The following WNK1 variants were observed in gnomAD, a reference collection of about 807,000 sequenced individuals.
The protein encoded by WNK1 is WNK lysine deficient protein kinase 1.
In WNK1, 38 loss-of-function variants were observed where a neutral mutation model predicts 222.8. That is an observed-to-expected ratio of 0.17 (90% CI 0.13 to 0.22). The LOEUF is 0.22. Among genes scored for constraint, WNK1 ranks in the 10% least tolerant of loss-of-function variants. WNK1 has a pLI of 1.00. For missense variants in WNK1, 2,348 were observed against 2,918.4 expected (o/e 0.80, Z 4.50); for synonymous variants, 1,090 against 1,092.9 (o/e 1.00, Z 0.05).
In WNK1 at chr12:754,011, C is replaced by T. The variant is rs34880640; in HGVS notation, c.446C>T (p.Ala149Val). 1.4e-3 allele frequency: 2,249 copies of T among 1,586,632 alleles called. 30 individuals carry two copies. The East Asian group carries it at 0.034, about 24-fold the overall frequency. ...GCCGCCCCTGGGGAACAGGCCGTCG[C>T]GGGCCCTGCCCCCTCGACTGTCCCC... ...AAAAPGEQAV[A>V]GPAPSTVPSS... Residue 149 changes from alanine (A) to valine (V), a missense_variant, in exon 1 of 28, where the codon GCG (alanine) becomes GTG (valine). Around this residue, in one of 13 missense-constraint regions of WNK1, gnomAD observed 185 missense variants for 159.2 expected, o/e 1.16. Transcript: ENST00000315939.
intron 1 of WNK1, among the ~76,000 whole-genome samples, chr12:765,535 T>C (rs926842122): frequency 1.3e-5 from 2 of 149,136 alleles, no homozygotes; most frequent in African/African-American, 4.8e-5. Context: ...GTGACAGAGC[T>C]ATGACCCTGT....
rs72652204 is a variant in WNK1 at position 907,752 on chromosome 12, T to C, written c.6644-95T>C. ...TTCCCAGTTCATCCTCTTCTCATTC[T>C]GTGGCTTGCCATTCATCATCCCGTG... On this transcript the variant is annotated intron_variant, in intron 26 of 27. Transcript: ENST00000315939. 3.2e-4 allele frequency: 451 copies of C among 1,405,766 alleles called. 1 individual carries two copies. The highest frequency in any genetic ancestry group is 4.4e-4 in the Non-Finnish European group (435 of 993,572). 87.1% of individuals were successfully genotyped at this position (1,405,766 alleles called of 1,614,324 possible).
chr12:893,329 T>C (rs1402098816), intron 22 of WNK1, among the ~76,000 whole-genome samples: 1 of 152,120 alleles, frequency 6.6e-6, no homozygotes, highest in Non-Finnish European at 1.5e-5. Context: ...ATGAAATATA[T>C]ATATGGTATA....
At chr12:875,849 C>T (rs1425481957) in intron 9 of WNK1, among the ~76,000 whole-genome samples, 1 of 152,120 alleles carries the variant, frequency 6.6e-6, no homozygotes, top group Non-Finnish European at 1.5e-5. Context: ...ATTTAATATG[C>T]AATCTTATTT....
chr12:813,595 G>A, intron 1 of WNK1, 47 bp from the exon 2 acceptor site: 1 of 1,589,288 alleles, frequency 6.3e-7, no homozygotes, highest in Non-Finnish European at 8.6e-7. Context: ...GTCTGATTTG[G>A]TGTTTTATCA....
chr12:884,261 C>T lies in WNK1; in HGVS notation c.3844+18C>T. ...AGATACAGGTAAGGGATTGATTCTG[C>T]CACATTGTTATGTAAATTCTACAGT... On this transcript the variant is annotated intron_variant, in intron 18 of 27. Transcript: ENST00000315939. This position sits in a 1 kb window ranked among gnomAD's most constrained non-coding sequence, Gnocchi z 5.6. 1.2e-6 allele frequency: 2 copies of T among 1,613,662 alleles called. No homozygotes were observed. The highest frequency in any genetic ancestry group is 1.7e-6 in the Non-Finnish European group (2 of 1,179,802).
At chr12:759,454 C>G (rs1940696832) in intron 1 of WNK1, among the ~76,000 whole-genome samples, 1 of 147,188 alleles carries the variant, frequency 6.8e-6, no homozygotes, top group Non-Finnish European at 1.5e-5. Flanking sequence ...CCTCAGCCCC[C>G]TGAGTAGCTG....
intron 2 of WNK1, among the ~76,000 whole-genome samples, chr12:826,639 A>G (rs1231544461): frequency 6.6e-6 from 1 of 152,198 alleles, no homozygotes; most frequent in Non-Finnish European, 1.5e-5. Flanking sequence ...CTACCTCTTA[A>G]TCATTTAAAT....
At chr12:898,223 G>A (rs1046450602) in intron 25 of WNK1, among the ~76,000 whole-genome samples, 1 of 152,078 alleles carries the variant, frequency 6.6e-6, no homozygotes, top group Non-Finnish European at 1.5e-5. Flanking sequence ...GGTGGCTCAC[G>A]CCTGTAATCC....
chr12:861,869 GT>G (rs1951244878), intron 7 of WNK1, among the ~76,000 whole-genome samples: 1 of 152,138 alleles, frequency 6.6e-6, no homozygotes, highest in Admixed American at 6.5e-5. Context: ...TACTCCTCAG[GT>G]GGTAAGATTC....
chr12:906,105 T>C (rs904341844), intron 26 of WNK1, among the ~76,000 whole-genome samples: 1 of 152,140 alleles, frequency 6.6e-6, no homozygotes, highest in Non-Finnish European at 1.5e-5. Context: ...CTGGTGCTGC[T>C]TTGACCTTGA....
chr12:809,817 A>T (rs1027338409), intron 1 of WNK1, among the ~76,000 whole-genome samples: 4 of 152,192 alleles, frequency 2.6e-5, no homozygotes, highest in African/African-American at 7.2e-5. Context: ...ATAATTCTTT[A>T]AAAAATTGTT....
chr12:788,432 C>T (rs2153977414), intron 1 of WNK1, among the ~76,000 whole-genome samples: 1 of 152,254 alleles, frequency 6.6e-6, no homozygotes, highest in East Asian at 1.9e-4. Flanking sequence ...AACTTATGCA[C>T]TAATGGACCA....
chr12:873,501 T>C (rs17800846), intron 9 of WNK1, among the ~76,000 whole-genome samples: 16,608 of 152,190 alleles, frequency 0.11, 1,004 homozygotes, highest in South Asian at 0.17. Context: ...GCCCTCGATA[T>C]ATATAGGAAG....
chr12:883,526 G>A lies in WNK1; in HGVS notation c.3621G>A (p.Glu1207=), dbSNP rs1484042313. 1.2e-6 allele frequency: 2 copies of A among 1,614,204 alleles called. No homozygotes were observed. Among genetic ancestry groups the A allele is most frequent in the Admixed American group, 1.7e-5 (1 of 60,028 alleles). Residue 1207 remains glutamate, a synonymous_variant, in exon 16 of 28, where the codon GAG becomes GAA. Coordinates refer to ENST00000315939, the MANE Select transcript of WNK1 (RefSeq NM_018979.4). ...SVEPEGDQGL[E]SLQGKDDYGF... ...AACCAGAGGGTGATCAGGGATTGGA[G>A]AGTCTACAAGGAAAGGATGACTATG... is the stretch of plus-strand genomic sequence containing the variant.
chr12:791,056 C>T (rs1429243277), intron 1 of WNK1, among the ~76,000 whole-genome samples: 1 of 151,990 alleles, frequency 6.6e-6, no homozygotes, highest in African/African-American at 2.4e-5. Flanking sequence ...ATCTTCTAAA[C>T]CCAAGACAGC....
At chr12:815,888 A>G (rs1293486377) in intron 2 of WNK1, among the ~76,000 whole-genome samples, 1 of 152,258 alleles carries the variant, frequency 6.6e-6, no homozygotes, top group African/African-American at 2.4e-5. Flanking sequence ...GTGGAATATA[A>G]TAAAAGTTTT....
In WNK1 at chr12:884,208, A is replaced by T; in HGVS notation, c.3809A>T (p.Glu1270Val). Residue 1270 changes from glutamate to valine, a missense_variant, in exon 18 of 28, where the codon GAA (glutamate) becomes GTA (valine). Physicochemically the swap from Glu to Val is moderately radical, Grantham distance 121. Around this residue, in one of 13 missense-constraint regions of WNK1, gnomAD observed 1,144 missense variants for 1,273.6 expected, o/e 0.90. Coordinates refer to ENST00000315939, the MANE Select transcript of WNK1 (RefSeq NM_018979.4). The surrounding 1 kb of genome is among the most constrained non-coding windows in gnomAD (Gnocchi z 5.6). ...CCTGTGCCAGAAAGCCGATTACGAG[A>T]ATCAAAAGTTTTCCCCAGTGAAATA... ...VSPVPESRLR[E>V]SKVFPSEITD... is the part of the protein sequence containing the mutation. The T allele has an allele frequency of 6.2e-7, 1 of 1,614,200 alleles. No homozygotes were observed. The highest frequency in any genetic ancestry group is 1.7e-5 in the Admixed American group (1 of 60,026).
At chr12:866,501 T>C (rs1951681741) in intron 8 of WNK1, among the ~76,000 whole-genome samples, 1 of 152,110 alleles carries the variant, frequency 6.6e-6, no homozygotes. Context: ...TAGCTAGGAC[T>C]ACAGGCGCAT....
Sources: allele counts gnomAD v4.1 joint callset (sites outside exome capture counted in the v4.1 genomes callset), GRCh38; gene constraint gnomAD v4.1.1; regional missense constraint gnomAD v4.1.1; non-coding constraint Gnocchi (gnomAD v3.1); transcripts MANE v1.5; gene names NCBI Gene and HGNC (gene_info 2026-07-23, HGNC 2026-07-21).